ITPKB: variants seen among roughly 807,000 people sequenced by gnomAD.
ITPKB encodes the protein inositol-trisphosphate 3-kinase B, also known as IP3 3-kinase B.
In ITPKB, 13 loss-of-function variants were observed where a neutral mutation model predicts 69.4. The ratio of observed to expected loss-of-function variants is 0.19; its 90% CI spans 0.12 to 0.30. ITPKB has a LOEUF of 0.30. Among genes scored for constraint, ITPKB ranks in the 10% least tolerant of loss-of-function variants. The probability of loss-of-function intolerance (pLI) is 1.00; values close to 1 mark genes in which losing one functional copy is unlikely to be tolerated. For missense variants in ITPKB, 1,240 were observed against 1,250.5 expected (o/e 0.99, Z 0.13); for synonymous variants, 584 against 513.7 (o/e 1.14, Z -1.85).
At chr1:226,672,875 T>C (rs1259264677) in intron 2 of ITPKB, among the ~76,000 whole-genome samples, 1 of 152,174 alleles carries the variant, frequency 6.6e-6, no homozygotes, top group Non-Finnish European at 1.5e-5. Context: ...AGGTGTGAAG[T>C]GGGCAGACAA....
chr1:226,730,402 T>C (rs1005962907), intron 2 of ITPKB, among the ~76,000 whole-genome samples: 4 of 152,222 alleles, frequency 2.6e-5, no homozygotes. Flanking sequence ...GTGACTTTTG[T>C]TAACAATGAG....
At chr1:226,693,812 A>G (rs1421966344) in intron 2 of ITPKB, among the ~76,000 whole-genome samples, 1 of 152,198 alleles carries the variant, frequency 6.6e-6, no homozygotes, top group Admixed American at 6.5e-5. Flanking sequence ...TTTCCTGGAT[A>G]ACTCAAGTTT....
chr1:226,703,471 G>A (rs1336892731), intron 2 of ITPKB, among the ~76,000 whole-genome samples: 2 of 152,184 alleles, frequency 1.3e-5, no homozygotes, highest in Non-Finnish European at 2.9e-5. Flanking sequence ...GCTTTTCTTC[G>A]CCGCGGTTTC....
rs376285681 is a variant in ITPKB at position 226,676,642 on chromosome 1, G to A, written c.1933-27871C>T. 2.6e-5 allele frequency among the ~76,000 whole-genome samples: 4 copies of A among 152,374 alleles called. No homozygotes were observed. The East Asian group carries it at 7.7e-4, about 29-fold the overall frequency. ...TTGCAAACCACAAAACACCGTCCAA[G>A]TGTGAGGTATTGTTATCTAGCAAAA... On this transcript the variant is annotated intron_variant, in intron 2 of 7. Transcript: ENST00000429204.
chr1:226,722,471 A>T (rs1053999199), intron 2 of ITPKB, among the ~76,000 whole-genome samples: 1 of 152,140 alleles, frequency 6.6e-6, no homozygotes, highest in Non-Finnish European at 1.5e-5. Context: ...CTCTCAGGAG[A>T]GAGCAGCTGA....
chr1:226,667,845 TGTGTGTGTGC>T (rs1296807545), intron 2 of ITPKB, among the ~76,000 whole-genome samples: 24 of 151,938 alleles, frequency 1.6e-4, no homozygotes, highest in Non-Finnish European at 3.4e-4. Context: ...TGTGTGTGTG[TGTGTGTGTGC>T]GCGCGCGCGT....
At chr1:226,716,091 G>A (rs1268120062) in intron 2 of ITPKB, among the ~76,000 whole-genome samples, 1 of 152,200 alleles carries the variant, frequency 6.6e-6, no homozygotes, top group South Asian at 2.1e-4. Flanking sequence ...CACTACAGGC[G>A]TGAGCCACCG....
At chr1:226,655,038 G>C (rs1052077528) in intron 2 of ITPKB, among the ~76,000 whole-genome samples, 4 of 150,846 alleles carry the variant, frequency 2.7e-5, no homozygotes, top group Non-Finnish European at 4.4e-5. Context: ...AAGAGGACAG[G>C]GAAGAGGAGA....
chr1:226,638,824 A>G (rs1046733567), intron 6 of ITPKB, among the ~76,000 whole-genome samples: 1 of 151,862 alleles, frequency 6.6e-6, no homozygotes, highest in African/African-American at 2.4e-5. Context: ...CACGCTTGGC[A>G]TGACACCTGG....
At chr1:226,636,498 G>A (rs1668839076) in intron 7 of ITPKB, among the ~76,000 whole-genome samples, 1 of 152,246 alleles carries the variant, frequency 6.6e-6, no homozygotes, top group South Asian at 2.1e-4. Context: ...GTAGTTTGCA[G>A]AAAGATGCAC....
intron 2 of ITPKB, among the ~76,000 whole-genome samples, chr1:226,709,957 C>T (rs1488017921): frequency 6.6e-6 from 1 of 152,190 alleles, no homozygotes; most frequent in Non-Finnish European, 1.5e-5. Flanking sequence ...TGACAGCATC[C>T]TGCCTGGGGC....
rs565366399 is a variant in ITPKB at position 226,639,112 on chromosome 1, C to T, written c.2553+445G>A. ...CATTCTTGTTGCCCAGGCTGAAGTG[C>T]AATGGCAAAATCTCAGCTCACTGCA... On this transcript the variant is annotated intron_variant, in intron 6 of 7. Transcript: ENST00000429204. Among the ~76,000 whole-genome samples the T allele has an allele frequency of 7.6e-5, 11 of 144,792 alleles. No homozygotes were observed. The South Asian group carries it at 2.4e-3, about 31-fold the overall frequency. The allele number at this position is 144,792 out of a possible 152,430, so 95.0% of individuals were successfully genotyped here.
chr1:226,728,721 C>G (rs1274654117), intron 2 of ITPKB, among the ~76,000 whole-genome samples: 1 of 152,180 alleles, frequency 6.6e-6, no homozygotes, highest in African/African-American at 2.4e-5. Flanking sequence ...GTGCTAGGCA[C>G]TTTTATAAAC....
intron 2 of ITPKB, among the ~76,000 whole-genome samples, chr1:226,700,442 C>G (rs928863896): frequency 8.1e-6 from 1 of 124,142 alleles, no homozygotes; most frequent in Non-Finnish European, 1.6e-5. Context: ...GCACTCCAGC[C>G]TGGCAACGGA....
At chr1:226,707,613 G>T (rs778937285) in intron 2 of ITPKB, 2 of 988,632 alleles carry the variant, frequency 2.0e-6, no homozygotes, top group Non-Finnish European at 2.4e-6. Flanking sequence ...GGCTCAATGG[G>T]GATAAATAGG....
chr1:226,634,789 T>G lies in ITPKB; in HGVS notation c.2723A>C (p.Gln908Pro). ...FGKTTPLPEGQTLQHDVPWQE... is the reference protein window; with the variant it reads ...FGKTTPLPEGPTLQHDVPWQE... ...CCAGGGGACGTCATGCTGCAGGGTC[T>G]GGCCCTCAGGCAGGGGCGTGGTTTT... is the stretch of plus-strand genomic sequence containing the variant. Residue 908 changes from glutamine (Q) to proline (P), a missense_variant, in exon 8 of 8, where the codon CAG becomes CCG. By Grantham distance (76) the Gln-to-Pro change is moderately conservative. Around this residue, in one of 2 missense-constraint regions of ITPKB, gnomAD observed 248 missense variants for 396.7 expected, o/e 0.63. Transcript: ENST00000429204. This position sits in a 1 kb window ranked among gnomAD's most constrained non-coding sequence, Gnocchi z 6.3. 6.3e-7 allele frequency: 1 copy of G among 1,581,424 alleles called. No individual in the cohort carries two copies. The highest frequency in any genetic ancestry group is 8.7e-7 in the Non-Finnish European group (1 of 1,150,090).
chr1:226,722,424 G>C (rs1657270677), intron 2 of ITPKB, among the ~76,000 whole-genome samples: 1 of 152,246 alleles, frequency 6.6e-6, no homozygotes, highest in African/African-American at 2.4e-5. Context: ...GCTTCTTGGG[G>C]TTAACCAGCA....
At chr1:226,643,304 T>A (rs1284484728) in intron 4 of ITPKB, among the ~76,000 whole-genome samples, 1 of 152,092 alleles carries the variant, frequency 6.6e-6, no homozygotes, top group Non-Finnish European at 1.5e-5. Flanking sequence ...AGAGGTGGGG[T>A]GAGTCATCCC....
At chr1:226,682,170 C>T (rs753677758) in intron 2 of ITPKB, among the ~76,000 whole-genome samples, 8 of 152,164 alleles carry the variant, frequency 5.3e-5, no homozygotes, top group African/African-American at 9.7e-5. Flanking sequence ...TGGGTCCCCC[C>T]CCGCCCCGAG....
Sources: gnomAD v4.1 joint callset for allele counts (sites outside exome capture counted in the v4.1 genomes callset) on GRCh38, gnomAD v4.1.1 for gene constraint, gnomAD v4.1.1 regional missense constraint, Gnocchi (gnomAD v3.1) non-coding constraint, MANE v1.5 for transcripts, NCBI Gene and HGNC (gene_info 2026-07-23, HGNC 2026-07-21) for gene names.